Variants in CDH12 observed in about 807,000 individuals in gnomAD.
CDH12 encodes the protein cadherin 12.
Under a neutral mutation model 74.1 loss-of-function variants are expected in CDH12, and 41 were observed. That is an observed-to-expected ratio of 0.55 (90% confidence interval 0.43 to 0.72). The LOEUF is 0.72. Ranked by LOEUF, CDH12 falls within the 30% of genes least tolerant of loss-of-function variation. CDH12 has a pLI of 0.00. For synonymous variants in CDH12, 399 were observed against 355.0 expected (o/e 1.12, Z -1.39); for missense variants, 945 against 977.2 (o/e 0.97, Z 0.44).
intron 6 of CDH12, among the ~76,000 whole-genome samples, chr5:21,962,095 T>C (rs1756386909): frequency 6.6e-6 from 1 of 152,176 alleles, no homozygotes; most frequent in Admixed American, 6.6e-5. Context: ...GTATTCCTGT[T>C]GATTTGATGT....
intron 5 of CDH12, among the ~76,000 whole-genome samples, chr5:22,072,256 C>A (rs1276047998): frequency 2.0e-5 from 3 of 151,996 alleles, no homozygotes; most frequent in African/African-American, 7.2e-5. Context: ...GAGAATTGAA[C>A]CTTTCCATAC....
intron 5 of CDH12, among the ~76,000 whole-genome samples, chr5:21,981,047 T>C (rs2150127170): frequency 6.6e-6 from 1 of 152,286 alleles, no homozygotes; most frequent in Admixed American, 6.5e-5. Flanking sequence ...TCATTCTTTC[T>C]GTTTCAGTTC....
intron 4 of CDH12, among the ~76,000 whole-genome samples, chr5:22,100,621 G>A (rs950050281): frequency 6.8e-6 from 1 of 146,272 alleles, no homozygotes; most frequent in African/African-American, 2.5e-5. Context: ...GTGTCACTAT[G>A]GCTCCTTTAT....
intron 1 of CDH12, among the ~76,000 whole-genome samples, chr5:22,786,738 G>C (rs1184285231): frequency 3.3e-5 from 5 of 150,468 alleles, no homozygotes. Flanking sequence ...TTCTTTTTGA[G>C]ATGGTGTTTC....
At chr5:22,263,331 G>GA (rs1467147367) in intron 3 of CDH12, among the ~76,000 whole-genome samples, 4 of 151,736 alleles carry the variant, frequency 2.6e-5, no homozygotes, top group Non-Finnish European at 4.4e-5. Context: ...CGCAATAACA[G>GA]AAAAAATAAA....
chr5:22,693,179 C>T (rs1742173963), intron 1 of CDH12, among the ~76,000 whole-genome samples: 1 of 152,168 alleles, frequency 6.6e-6, no homozygotes, highest in African/African-American at 2.4e-5. Context: ...AGAATTTGCA[C>T]TACCTCTGAA....
intron 3 of CDH12, among the ~76,000 whole-genome samples, chr5:22,297,163 A>G (rs951443493): frequency 2.6e-5 from 4 of 151,958 alleles, no homozygotes; most frequent in African/African-American, 9.7e-5. Context: ...CTGGGGTTAC[A>G]GGCATGGGCT....
chr5:22,352,076 A>C (rs1027255064), intron 3 of CDH12, among the ~76,000 whole-genome samples: 20 of 151,600 alleles, frequency 1.3e-4, no homozygotes, highest in African/African-American at 3.4e-4. Flanking sequence ...TTATTACAAT[A>C]TTTAATATTT....
At chr5:22,350,155 C>T (rs912828074) in intron 3 of CDH12, among the ~76,000 whole-genome samples, 2 of 152,150 alleles carry the variant, frequency 1.3e-5, no homozygotes. Context: ...AAAGACTAAG[C>T]TCTATGATTC....
At chr5:22,833,670 C>G (rs2126505938) in intron 1 of CDH12, among the ~76,000 whole-genome samples, 1 of 152,208 alleles carries the variant, frequency 6.6e-6, no homozygotes, top group East Asian at 1.9e-4. Flanking sequence ...ATTTGAAAAG[C>G]TCTCTGTCGG....
intron 1 of CDH12, among the ~76,000 whole-genome samples, chr5:22,526,655 T>C (rs1444226927): frequency 6.6e-6 from 1 of 152,162 alleles, no homozygotes; most frequent in Non-Finnish European, 1.5e-5. Context: ...GATCCATCTG[T>C]CTTCAGCACT....
At chr5:21,832,026 T>G (rs2149968252) in intron 8 of CDH12, among the ~76,000 whole-genome samples, 1 of 152,302 alleles carries the variant, frequency 6.6e-6, no homozygotes, top group Non-Finnish European at 1.5e-5. Context: ...CATTATTTTT[T>G]ATAACGTTGG....
chr5:22,099,235 C>T (rs1198067073), intron 4 of CDH12, among the ~76,000 whole-genome samples: 3 of 152,178 alleles, frequency 2.0e-5, no homozygotes, highest in Admixed American at 6.5e-5. Flanking sequence ...CACCTCTATA[C>T]GGTCTGATAA....
At chr5:21,906,546 T>C (rs1753648826) in intron 6 of CDH12, among the ~76,000 whole-genome samples, 1 of 152,240 alleles carries the variant, frequency 6.6e-6, no homozygotes, top group Non-Finnish European at 1.5e-5. Context: ...ACTGCTGTCT[T>C]GCATGATTTA....
Position 21,761,740 on chromosome 5 carries a change from G to T in CDH12, c.1516-1065C>A, listed in dbSNP as rs182921282. Among the ~76,000 whole-genome samples, 335 of 90,756 alleles carry T rather than the reference G, an allele frequency of 3.7e-3. 1 individual carries two copies. Among genetic ancestry groups the T allele is most frequent in the Non-Finnish European group, 6.9e-3 (284 of 41,296 alleles). 59.5% of individuals were successfully genotyped at this position (90,756 alleles called of 152,430 possible). A position where few individuals can be genotyped will look rare whatever the true frequency, so the allele number is the denominator to read the frequency against. On this transcript the variant is annotated intron_variant, in intron 12 of 14. Coordinates refer to ENST00000382254, the MANE Select transcript of CDH12 (RefSeq NM_004061.5). Reference sequence around the variant, plus strand: ...AGGTAGGTAGATGGATGGATGGATAGATATAGATAGATAGATAGATAGATA... The same window carrying T: ...AGGTAGGTAGATGGATGGATGGATATATATAGATAGATAGATAGATAGATA...
intron 1 of CDH12, among the ~76,000 whole-genome samples, chr5:22,590,456 A>G (rs137942389): frequency 2.0e-5 from 3 of 152,300 alleles, no homozygotes; most frequent in African/African-American, 7.2e-5. Context: ...TCTTTCACAA[A>G]ATAAGCAAAT....
At chr5:22,645,227 C>T (rs937390080) in intron 1 of CDH12, among the ~76,000 whole-genome samples, 2 of 152,012 alleles carry the variant, frequency 1.3e-5, no homozygotes, top group Admixed American at 6.6e-5. Context: ...ATTCTAAATG[C>T]CATCAAGAAT....
At chr5:22,756,884 G>A (rs986359473) in intron 1 of CDH12, among the ~76,000 whole-genome samples, 2 of 151,836 alleles carry the variant, frequency 1.3e-5, no homozygotes, top group Non-Finnish European at 2.9e-5. Context: ...GCTTGAACCC[G>A]GGAGGCGGAG....
intron 4 of CDH12, among the ~76,000 whole-genome samples, chr5:22,142,046 A>T (rs1276100868): frequency 6.6e-6 from 1 of 152,142 alleles, no homozygotes; most frequent in African/African-American, 2.4e-5. Context: ...GAAACTGAGG[A>T]TGGTGTTGCT....
Sources: gnomAD v4.1 joint callset for allele counts (sites outside exome capture counted in the v4.1 genomes callset) on GRCh38, gnomAD v4.1.1 for gene constraint, MANE v1.5 for transcripts, NCBI Gene and HGNC (gene_info 2026-07-23, HGNC 2026-07-21) for gene names.